Variants in SOX6 observed in about 807,000 individuals in gnomAD.
SOX6 encodes transcription factor SOX-6.
A neutral mutation model predicts 97.8 loss-of-function variants in SOX6; 11 were observed. That is an observed-to-expected ratio of 0.11 (90% confidence interval 0.07 to 0.19). The LOEUF (loss-of-function observed/expected upper bound fraction) is 0.19. Ranked by LOEUF, SOX6 falls within the 10% of genes least tolerant of loss-of-function variation. The pLI is 1.00. For synonymous variants in SOX6, 360 were observed against 371.4 expected (o/e 0.97, Z 0.35); for missense variants, 810 against 1,039.5 (o/e 0.78, Z 3.04).
At chr11:16,534,693 A>G (rs1033813666) in intron 4 of SOX6, among the ~76,000 whole-genome samples, 2 of 151,992 alleles carry the variant, frequency 1.3e-5, no homozygotes, top group African/African-American at 2.4e-5. Context: ...TTGTCTGGGG[A>G]CCCCAAGAAC....
intron 4 of SOX6, among the ~76,000 whole-genome samples, chr11:16,597,131 A>G (rs1315301759): frequency 6.6e-6 from 1 of 152,110 alleles, no homozygotes; most frequent in Non-Finnish European, 1.5e-5. Flanking sequence ...TCTACTCCAC[A>G]TACCTTTTAT....
At chr11:16,050,982 A>G (rs1342066159) in intron 10 of SOX6, among the ~76,000 whole-genome samples, 1 of 152,088 alleles carries the variant, frequency 6.6e-6, no homozygotes, top group African/African-American at 2.4e-5. Context: ...GAGTTTGGTA[A>G]CAGAACATTT....
At position 16,684,582 on chromosome 11, in the gene SOX6, G is replaced by A. The variant is rs185492882; in HGVS notation, n.429+30248C>T. Among the ~76,000 whole-genome samples, 709 of 151,816 alleles carry A rather than the reference G, an allele frequency of 4.7e-3. 11 individuals are homozygous for A. Among genetic ancestry groups the A allele is most frequent in the Admixed American group, 0.034 (510 of 15,194 alleles). On this transcript the variant is annotated intron_variant and non_coding_transcript_variant, in intron 3 of 5. Transcript: ENST00000524520. ...ACATCACATACCAGGGCCTATTGGC[G>A]GGGTGGGGGGCTGGGGGAGGGATAG...
chr11:16,487,948 A>G (rs1445694239), intron 4 of SOX6, among the ~76,000 whole-genome samples: 1 of 152,220 alleles, frequency 6.6e-6, no homozygotes, highest in Non-Finnish European at 1.5e-5. Context: ...AAAAATAACA[A>G]CTGCATTATC....
chr11:16,543,593 C>T (rs1847581795), intron 4 of SOX6, among the ~76,000 whole-genome samples: 1 of 152,020 alleles, frequency 6.6e-6, no homozygotes, highest in Non-Finnish European at 1.5e-5. Flanking sequence ...TCTTACAACT[C>T]AATAATGAAA....
chr11:16,323,024 CA>C (rs1224461060), intron 2 of SOX6, among the ~76,000 whole-genome samples: 4 of 152,056 alleles, frequency 2.6e-5, no homozygotes, highest in African/African-American at 9.7e-5. Flanking sequence ...TTAGTTTATT[CA>C]AAGGAAATGT....
At chr11:15,986,517 T>G in intron 14 of SOX6, 97 bp from the exon 15 acceptor site, 1 of 1,176,756 alleles carries the variant, frequency 8.5e-7, no homozygotes, top group Non-Finnish European at 1.2e-6. Flanking sequence ...CACTCATCTG[T>G]GCGCTGGGTG....
At chr11:16,048,898 C>T (rs779175128) in intron 11 of SOX6, among the ~76,000 whole-genome samples, 4 of 151,898 alleles carry the variant, frequency 2.6e-5, no homozygotes, top group African/African-American at 4.8e-5. Context: ...AATGCTTATT[C>T]GGCACTGTCT....
rs560690395 is a variant in SOX6 at position 16,140,478 on chromosome 11, C to T, written c.778-28555G>A. ...ACCTAAGTTTGATACCTGGCTCCAA[C>T]TAATTAGATGATAACCTTAGCTTCC... On this transcript the variant is annotated intron_variant, in intron 6 of 15. Transcript: ENST00000683767. Among the ~76,000 whole-genome samples the T allele has an allele frequency of 5.3e-5, 8 of 152,222 alleles. No individual in the cohort carries two copies. In the South Asian group the frequency reaches 1.7e-3, roughly 32 times the overall value.
intron 4 of SOX6, among the ~76,000 whole-genome samples, chr11:16,198,699 A>G (rs989290121): frequency 2.6e-5 from 4 of 152,214 alleles, no homozygotes. Flanking sequence ...ACTTGAATTT[A>G]AACGTAATAC....
chr11:16,678,751 T>C (rs1847903794), intron 3 of SOX6, among the ~76,000 whole-genome samples: 1 of 152,118 alleles, frequency 6.6e-6, no homozygotes, highest in African/African-American at 2.4e-5. Context: ...TCTGCCCAAA[T>C]ACTGAGCTTT....
intron 3 of SOX6, among the ~76,000 whole-genome samples, chr11:16,309,683 C>CA (rs1855540230): frequency 6.6e-6 from 1 of 152,028 alleles, no homozygotes; most frequent in Non-Finnish European, 1.5e-5. Context: ...TCAAATATTA[C>CA]ATAATAAATA....
intron 3 of SOX6, among the ~76,000 whole-genome samples, chr11:16,669,012 G>A (rs1313441502): frequency 1.3e-5 from 2 of 152,118 alleles, no homozygotes; most frequent in African/African-American, 4.8e-5. Context: ...AAGAAACACT[G>A]TACTTAATCT....
chr11:16,211,487 G>A (rs1439584959), intron 4 of SOX6, among the ~76,000 whole-genome samples: 1 of 151,886 alleles, frequency 6.6e-6, no homozygotes, highest in Non-Finnish European at 1.5e-5. Flanking sequence ...ACAAAAATAT[G>A]GGGCAAGGTT....
intron 1 of SOX6, among the ~76,000 whole-genome samples, chr11:16,393,874 G>C (rs1016213639): frequency 5.3e-5 from 8 of 151,934 alleles, no homozygotes; most frequent in Admixed American, 3.3e-4. Flanking sequence ...AATTCATCCT[G>C]GTCCTTAGAA....
intron 12 of SOX6, among the ~76,000 whole-genome samples, chr11:16,021,069 T>C (rs1022635743): frequency 1.3e-5 from 2 of 152,030 alleles, no homozygotes; most frequent in African/African-American, 2.4e-5. Flanking sequence ...AAAAATGCAA[T>C]TTGATTATAT....
chr11:16,181,701 A>G (rs1400179066), intron 6 of SOX6, among the ~76,000 whole-genome samples: 1 of 151,768 alleles, frequency 6.6e-6, no homozygotes. Flanking sequence ...TGTAGAAGGT[A>G]AATACTGACA....
At chr11:16,116,188 AATG>A (rs1289408661) in intron 6 of SOX6, among the ~76,000 whole-genome samples, 1 of 152,146 alleles carries the variant, frequency 6.6e-6, no homozygotes, top group African/African-American at 2.4e-5. Flanking sequence ...TAATAATAGT[AATG>A]ATGATGATAA....
At chr11:16,709,842 A>C (rs1848164230) in intron 3 of SOX6, among the ~76,000 whole-genome samples, 1 of 152,330 alleles carries the variant, frequency 6.6e-6, no homozygotes, top group East Asian at 1.9e-4. Flanking sequence ...TTGATGCAGA[A>C]AATGGTGCAG....
Sources: allele counts gnomAD v4.1 joint callset (sites outside exome capture counted in the v4.1 genomes callset), GRCh38; gene constraint gnomAD v4.1.1; transcripts MANE v1.5; gene names NCBI Gene and HGNC (gene_info 2026-07-23, HGNC 2026-07-21).